MTHFD1L: variants seen among roughly 807,000 people sequenced by gnomAD.
MTHFD1L encodes methylenetetrahydrofolate dehydrogenase (NADP+ dependent) 1 like, also known as monofunctional C1-tetrahydrofolate synthase, mitochondrial.
A neutral mutation model predicts 119.5 loss-of-function variants in MTHFD1L; 81 were observed. The observed-to-expected ratio is 0.68, with a 90% CI of 0.57 to 0.82. The LOEUF (loss-of-function observed/expected upper bound fraction) is 0.82, where lower values mean the gene tolerates loss of function less well. MTHFD1L is among the 40% of genes least tolerant of loss of function. The pLI is 0.00. For missense variants in MTHFD1L, 1,125 were observed against 1,253.4 expected, an observed-to-expected ratio of 0.90 and a Z score of 1.55; for synonymous variants, 430 against 475.2, an observed-to-expected ratio of 0.90 and a Z score of 1.24.
At chr6:150,988,570 G>T (rs1778620102) in intron 20 of MTHFD1L, among the ~76,000 whole-genome samples, 1 of 150,494 alleles carries the variant, frequency 6.6e-6, no homozygotes, top group Non-Finnish European at 1.5e-5. Flanking sequence ...CTTTTGTGGG[G>T]TGTAGAAAAA....
At chr6:151,004,758 A>G (rs1464397194) in intron 20 of MTHFD1L, among the ~76,000 whole-genome samples, 1 of 152,236 alleles carries the variant, frequency 6.6e-6, no homozygotes, top group Non-Finnish European at 1.5e-5. Context: ...ATCACTATCT[A>G]GCAGCTTCTG....
intron 26 of MTHFD1L, among the ~76,000 whole-genome samples, chr6:151,059,894 G>C (rs1790427704): frequency 1.3e-5 from 2 of 152,122 alleles, no homozygotes; most frequent in African/African-American, 4.8e-5. Flanking sequence ...AGTGGGTTTT[G>C]GCTTTGCCTG....
At chr6:150,869,832 A>G (rs996355008) in intron 1 of MTHFD1L, among the ~76,000 whole-genome samples, 1 of 152,232 alleles carries the variant, frequency 6.6e-6, no homozygotes, top group African/African-American at 2.4e-5. Flanking sequence ...GAGCTCCCTC[A>G]AAAGCATAGT....
In MTHFD1L at chr6:151,066,537, G is replaced by A. The variant is rs377150504; in HGVS notation, c.2848-25930G>A. The stretch of plus-strand genomic sequence containing the variant: ...TCCCAGCACTTTGGGAGGCCGAGGC[G>A]GGTGGATCACGAGGTCAGGAGATTG... On this transcript the variant is annotated intron_variant, in intron 26 of 27. Transcript: ENST00000367321. 1.2e-4 allele frequency among the ~76,000 whole-genome samples: 18 copies of A among 151,468 alleles called. No homozygotes were observed. The South Asian group carries it at 2.9e-3, about 25-fold the overall frequency.
At chr6:150,988,387 T>C (rs986328023) in intron 20 of MTHFD1L, among the ~76,000 whole-genome samples, 1 of 152,180 alleles carries the variant, frequency 6.6e-6, no homozygotes, top group African/African-American at 2.4e-5. Flanking sequence ...GTTTAGGATA[T>C]TGCAATTATA....
At chr6:150,895,613 GTTTTTT>G (rs10630027) in intron 7 of MTHFD1L, among the ~76,000 whole-genome samples, 1 of 134,464 alleles carries the variant, frequency 7.4e-6, no homozygotes, top group Non-Finnish European at 1.6e-5. Context: ...GTTTTTTGTG[GTTTTTT>G]TTTTTTTTTT....
intron 1 of MTHFD1L, chr6:150,866,781 C>T (rs1010646251): frequency 2.3e-6 from 2 of 851,104 alleles, no homozygotes; most frequent in Non-Finnish European, 2.9e-6. Context: ...CTGGGAGCCC[C>T]GGGCCCGGCC....
intron 20 of MTHFD1L, among the ~76,000 whole-genome samples, chr6:151,000,516 TG>T (rs1300349438): frequency 1.3e-5 from 2 of 152,166 alleles, no homozygotes; most frequent in African/African-American, 2.4e-5. Context: ...AAGGATTTAG[TG>T]GTTAGTGAAA....
chr6:151,027,765 G>A (rs1308207995), intron 24 of MTHFD1L, among the ~76,000 whole-genome samples: 3 of 151,926 alleles, frequency 2.0e-5, no homozygotes, highest in Non-Finnish European at 4.4e-5. Flanking sequence ...GCAGATTTTA[G>A]TATTTACACT....
rs116602114 is a variant in MTHFD1L, at chr6:150,937,255, T to C, written c.1393+315T>C. On this transcript the variant is annotated intron_variant, in intron 12 of 27. Coordinates refer to ENST00000367321, the MANE Select transcript of MTHFD1L (RefSeq NM_015440.5). ...GCCAAGTGATCTTGAAACACGGCCA[T>C]CCATATCGGTGTTTGATCATCCCAG... Among the ~76,000 whole-genome samples, 1,232 of 152,244 alleles carry C rather than the reference T, an allele frequency of 8.1e-3. 12 individuals are homozygous for C. The highest frequency in any genetic ancestry group is 0.028 in the African/African-American group (1,164 of 41,554).
At chr6:150,914,835 C>T (rs965666826) in intron 8 of MTHFD1L, among the ~76,000 whole-genome samples, 2 of 152,144 alleles carry the variant, frequency 1.3e-5, no homozygotes, top group African/African-American at 2.4e-5. Context: ...AATGGCTCTT[C>T]CTTATCTCAG....
chr6:150,867,947 G>A (rs1778709465), intron 1 of MTHFD1L, among the ~76,000 whole-genome samples: 2 of 150,786 alleles, frequency 1.3e-5, no homozygotes, highest in African/African-American at 4.9e-5. Flanking sequence ...ACAGGAGCAC[G>A]CCACCACGCC....
chr6:150,949,224 T>C lies in MTHFD1L; in HGVS notation c.1726+91T>C, dbSNP rs1412254249. 4.0e-6 allele frequency: 4 copies of C among 989,452 alleles called. No individual in the cohort carries two copies. The East Asian group carries it at 1.0e-4, about 25-fold the overall frequency. 61.3% of individuals were successfully genotyped at this position (989,452 alleles called of 1,614,324 possible). On this transcript the variant is annotated intron_variant, in intron 16 of 27. Transcript: ENST00000367321. The stretch of plus-strand genomic sequence containing the variant: ...TTAAATTCAGAAACTTACAGTTTGA[T>C]CCTGTCCAGTGATCTTCCCAGCCTG...
At chr6:150,988,617 G>A (rs1255714613) in intron 20 of MTHFD1L, among the ~76,000 whole-genome samples, 5 of 151,578 alleles carry the variant, frequency 3.3e-5, no homozygotes, top group African/African-American at 4.9e-5. Context: ...TGGGGGGGGC[G>A]GGAGCGGGGA....
At chr6:151,010,343 C>A (rs1005073737) in intron 21 of MTHFD1L, among the ~76,000 whole-genome samples, 2 of 152,106 alleles carry the variant, frequency 1.3e-5, no homozygotes, top group African/African-American at 4.8e-5. Context: ...TGTCCCTGAA[C>A]GAAGAACAAG....
intron 23 of MTHFD1L, among the ~76,000 whole-genome samples, chr6:151,015,268 G>T (rs1320853467): frequency 2.3e-5 from 3 of 129,628 alleles, no homozygotes; most frequent in South Asian, 5.1e-4. Flanking sequence ...AACTGTGAAT[G>T]ATCAAAGGGA....
intron 2 of MTHFD1L, among the ~76,000 whole-genome samples, chr6:150,877,254 T>C (rs1780601200): frequency 6.6e-6 from 1 of 152,170 alleles, no homozygotes; most frequent in Admixed American, 6.5e-5. Context: ...GGTTTCACCA[T>C]GTTGCCCAGG....
chr6:150,961,260 A>AT (rs1796409801), intron 18 of MTHFD1L, among the ~76,000 whole-genome samples: 1 of 151,838 alleles, frequency 6.6e-6, no homozygotes, highest in Admixed American at 6.6e-5. Context: ...CGCCCAGTTA[A>AT]TTTTTGTATT....
At chr6:150,913,991 G>T (rs370610698) in intron 8 of MTHFD1L, among the ~76,000 whole-genome samples, 3 of 152,200 alleles carry the variant, frequency 2.0e-5, no homozygotes, top group Admixed American at 6.5e-5. Flanking sequence ...CTAACCAGGC[G>T]TGGTGGCACA....
Sources: gnomAD v4.1 joint callset for allele counts (sites outside exome capture counted in the v4.1 genomes callset) on GRCh38, gnomAD v4.1.1 for gene constraint, MANE v1.5 for transcripts, NCBI Gene and HGNC (gene_info 2026-07-23, HGNC 2026-07-21) for gene names.